ARHGAP20: variants seen among roughly 807,000 people sequenced by gnomAD.
ARHGAP20 encodes the protein Rho GTPase activating protein 20.
In ARHGAP20, 34 loss-of-function variants were observed where a neutral mutation model predicts 73.7. The ratio of observed to expected loss-of-function variants is 0.46; its 90% CI spans 0.35 to 0.61. The LOEUF is 0.61. Ranked by LOEUF, ARHGAP20 falls within the 20% of genes least tolerant of loss-of-function variation. The probability of loss-of-function intolerance (pLI) is 0.00; values close to 1 mark genes in which losing one functional copy is unlikely to be tolerated. For missense variants in ARHGAP20, 1,314 were observed against 1,420.9 expected, an observed-to-expected ratio of 0.92 and a Z score of 1.21; for synonymous variants, 523 against 518.2, an observed-to-expected ratio of 1.01 and a Z score of -0.13.
At chr11:110,612,652 A>G (rs1948396084) in intron 6 of ARHGAP20, among the ~76,000 whole-genome samples, 1 of 152,244 alleles carries the variant, frequency 6.6e-6, no homozygotes, top group South Asian at 2.1e-4. Flanking sequence ...ACAAAAAAGT[A>G]GCATAAATAC....
At chr11:110,698,368 A>T (rs1470171579) in intron 1 of ARHGAP20, among the ~76,000 whole-genome samples, 3 of 151,700 alleles carry the variant, frequency 2.0e-5, no homozygotes, top group Admixed American at 2.0e-4. Context: ...CAGAGATATT[A>T]GCCTATAGTT....
In ARHGAP20 at chr11:110,606,595, C is replaced by T; in HGVS notation, c.930G>A (p.Lys310=). The T allele has an allele frequency of 6.2e-7, 1 of 1,611,302 alleles. No individual in the cohort carries two copies. The highest frequency in any genetic ancestry group is 8.5e-7 in the Non-Finnish European group (1 of 1,178,974). ...PREMQCQFIL[K]PSRLAAAQQL... is the part of the protein sequence containing the mutation. ...GCTGGGCTGCAGCCAGGCGGCTGGG[C>T]TTCAGGATGAACTGGCACTGCATCT... is the stretch of plus-strand genomic sequence containing the variant. Residue 310 remains lysine, a synonymous_variant, in exon 9 of 15, where the codon AAG becomes AAA. Coordinates refer to ENST00000683387, the MANE Select transcript of ARHGAP20 (RefSeq NM_001384657.1).
chr11:110,663,453 G>C (rs1419153266), intron 2 of ARHGAP20, among the ~76,000 whole-genome samples: 1 of 151,214 alleles, frequency 6.6e-6, no homozygotes, highest in Non-Finnish European at 1.5e-5. Flanking sequence ...AAGGATAAGG[G>C]AATATTATGA....
Position 110,580,511 on chromosome 11 carries a change from T to C in ARHGAP20, c.2435A>G (p.Gln812Arg). ...SVASYSPMSS[Q>R]DHSKNQPFDV... is the part of the protein sequence containing the mutation. ...AAAGGGCTGGTTCTTGGAATGATCC[T>C]GTGAGGACATAGGACTATAAGATGC... Residue 812 changes from glutamine (Q) to arginine (R), a missense_variant, in exon 15 of 15, where the codon CAG becomes CGG. Physicochemically the swap from Gln to Arg is conservative, Grantham distance 43. This residue lies in a region of ARHGAP20 where 641 missense variants were observed against 636.9 expected (regional missense o/e 1.01). Coordinates refer to ENST00000683387, the MANE Select transcript of ARHGAP20 (RefSeq NM_001384657.1). 6.2e-7 allele frequency: 1 copy of C among 1,614,194 alleles called. No homozygotes were observed. Among genetic ancestry groups the C allele is most frequent in the Non-Finnish European group, 8.5e-7 (1 of 1,180,036 alleles).
chr11:110,584,996 A>AAAAT (rs1472216259), intron 12 of ARHGAP20, among the ~76,000 whole-genome samples: 65 of 107,740 alleles, frequency 6.0e-4, no homozygotes, highest in Middle Eastern at 6.0e-3. Flanking sequence ...AATATATATG[A>AAAAT]ATATATGAAT....
chr11:110,599,443 G>A (rs1259628026), intron 9 of ARHGAP20, among the ~76,000 whole-genome samples: 1 of 152,228 alleles, frequency 6.6e-6, no homozygotes, highest in Non-Finnish European at 1.5e-5. Context: ...CCGATCGGGG[G>A]CTGAGGCAGC....
chr11:110,688,473 A>C (rs1950179948), intron 2 of ARHGAP20, among the ~76,000 whole-genome samples: 1 of 152,160 alleles, frequency 6.6e-6, no homozygotes, highest in African/African-American at 2.4e-5. Flanking sequence ...TTCCAGTAAA[A>C]AATTTTACCC....
upstream of ARHGAP20, chr11:110,712,475 C>G (rs558603991): frequency 6.0e-6 from 1 of 165,832 alleles, no homozygotes; most frequent in Admixed American, 6.5e-5. Flanking sequence ...CCCGCCCCGC[C>G]TCGGGCCCGC....
intron 1 of ARHGAP20, chr11:110,711,658 C>T (rs1950660186): frequency 1.8e-5 from 27 of 1,469,596 alleles, no homozygotes; most frequent in Non-Finnish European, 2.4e-5. Flanking sequence ...CGCTGCCTAC[C>T]TTCTTCAGCG....
intron 1 of ARHGAP20, among the ~76,000 whole-genome samples, chr11:110,694,554 A>G (rs1950301453): frequency 6.6e-6 from 1 of 151,710 alleles, no homozygotes; most frequent in African/African-American, 2.4e-5. Flanking sequence ...CTGCAGCAAC[A>G]CTACCAACTA....
chr11:110,598,876 G>A (rs1948038744), intron 9 of ARHGAP20, among the ~76,000 whole-genome samples: 3 of 152,142 alleles, frequency 2.0e-5, no homozygotes, highest in African/African-American at 4.8e-5. Context: ...TCAGGACCTG[G>A]GAGCAGGTGG....
chr11:110,712,160 C>A lies in ARHGAP20; in HGVS notation c.72G>T (p.Val24=). Residue 24 remains valine (V), a synonymous_variant, in exon 1 of 15, where the codon GTG becomes GTT. Transcript: ENST00000683387. ...TGCAGCTGCCTCCCGCGAGCCGAGA[C>A]ACTCCTGTCAGGGAAGAGGAGCGCC... ...QPGRSSSLTG[V]SRLAGGSCTK... 1 of 1,368,000 alleles carries A rather than the reference C, an allele frequency of 7.3e-7. No individual in the cohort carries two copies. The allele number at this position is 1,368,000 out of a possible 1,614,324, so 84.7% of individuals were successfully genotyped here.
At chr11:110,608,398 C>G (rs1040128189) in intron 8 of ARHGAP20, among the ~76,000 whole-genome samples, 1 of 152,126 alleles carries the variant, frequency 6.6e-6, no homozygotes, top group African/African-American at 2.4e-5. Flanking sequence ...AATAATTCCT[C>G]ATGACAAATG....
chr11:110,651,693 G>T (rs1949357575), intron 2 of ARHGAP20, among the ~76,000 whole-genome samples: 1 of 149,084 alleles, frequency 6.7e-6, no homozygotes, highest in Non-Finnish European at 1.5e-5. Context: ...TTGAATCCCT[G>T]AATAGACCAA....
chr11:110,585,248 G>GTGTT (rs1350939856), intron 12 of ARHGAP20, among the ~76,000 whole-genome samples: 1 of 151,270 alleles, frequency 6.6e-6, no homozygotes, highest in Non-Finnish European at 1.5e-5. Flanking sequence ...AATATTTCAC[G>GTGTT]TGTTTATATT....
chr11:110,657,700 G>A (rs1949496627), intron 2 of ARHGAP20, among the ~76,000 whole-genome samples: 1 of 152,056 alleles, frequency 6.6e-6, no homozygotes, highest in South Asian at 2.1e-4. Context: ...TTCGAGACCA[G>A]CCTGGCCAAC....
Position 110,580,174 on chromosome 11 carries a change from G to A in ARHGAP20, c.2772C>T (p.Pro924=). 6.2e-7 allele frequency: 1 copy of A among 1,614,154 alleles called. No homozygotes were observed. The highest frequency in any genetic ancestry group is 8.5e-7 in the Non-Finnish European group (1 of 1,180,024). Residue 924 remains proline, a synonymous_variant, in exon 15 of 15, where the codon CCC becomes CCT. Coordinates refer to ENST00000683387, the MANE Select transcript of ARHGAP20 (RefSeq NM_001384657.1). ...ATNQNTEKVL[P]PRLNLCPRTS... ...TCCTTGGGCAAAGGTTTAATCTTGG[G>A]GGTAAAACCTTCTCAGTGTTTTGGT... is the stretch of plus-strand genomic sequence containing the variant.
intron 1 of ARHGAP20, among the ~76,000 whole-genome samples, chr11:110,698,893 T>C (rs1950389975): frequency 1.3e-5 from 2 of 151,828 alleles, no homozygotes; most frequent in African/African-American, 4.8e-5. Flanking sequence ...CCTTTATATC[T>C]TTTTTTGTCT....
At chr11:110,671,650 A>G (rs569129708) in intron 2 of ARHGAP20, among the ~76,000 whole-genome samples, 1 of 152,284 alleles carries the variant, frequency 6.6e-6, no homozygotes, top group East Asian at 1.9e-4. Flanking sequence ...GAATAGGTCA[A>G]TAACAAAAAA....
Sources: allele counts gnomAD v4.1 joint callset (sites outside exome capture counted in the v4.1 genomes callset), GRCh38; gene constraint gnomAD v4.1.1; regional missense constraint gnomAD v4.1.1; transcripts MANE v1.5; gene names NCBI Gene and HGNC (gene_info 2026-07-23, HGNC 2026-07-21).